SPEG: variants seen among roughly 807,000 people sequenced by gnomAD.
SPEG encodes striated muscle preferentially expressed protein kinase.
A neutral mutation model predicts 300.4 loss-of-function variants in SPEG; 114 were observed. The observed-to-expected ratio is 0.38, with a 90% CI of 0.33 to 0.44. The LOEUF (loss-of-function observed/expected upper bound fraction) is 0.44, where lower values mean the gene tolerates loss of function less well. Among genes scored for constraint, SPEG ranks in the 20% least tolerant of loss-of-function variants. The pLI, the probability that SPEG is intolerant of heterozygous loss-of-function variation, is 1.00. For missense variants in SPEG, 4,201 were observed against 4,586.2 expected (o/e 0.92, Z 2.43); for synonymous variants, 1,964 against 2,018.9 (o/e 0.97, Z 0.73).
rs959806515 is a variant in SPEG, at chr2:219,488,769, T to C, written c.8027-9T>C. 3.4e-5 allele frequency: 54 copies of C among 1,609,020 alleles called. No homozygotes were observed. Among genetic ancestry groups the C allele is most frequent in the Admixed American group, 5.1e-5 (3 of 59,194 alleles). Reference sequence around the variant, plus strand: ...AGGGGCTCACTGGGACTCTTCTTTCTCTTGCCAGGAGTCCCAGGAAAGCTA... The same window carrying C: ...AGGGGCTCACTGGGACTCTTCTTTCCCTTGCCAGGAGTCCCAGGAAAGCTA... On this transcript the variant is annotated splice_polypyrimidine_tract_variant and intron_variant, in intron 33 of 40. Transcript: ENST00000312358.
In SPEG at chr2:219,444,809, G is replaced by C. The variant is rs1307768584; in HGVS notation, c.479-16G>C. On this transcript the variant is annotated splice_polypyrimidine_tract_variant and intron_variant, in intron 2 of 40. Coordinates refer to ENST00000312358, the MANE Select transcript of SPEG (RefSeq NM_005876.5). The surrounding 1 kb of genome is among the most constrained non-coding windows in gnomAD (Gnocchi z 7.8). The stretch of plus-strand genomic sequence containing the variant: ...CCATAAGGGGTGCCTCAGTCTCACG[G>C]TGCTCCTTTCTCTAGGGGGTTCTGA... 3.1e-6 allele frequency: 5 copies of C among 1,605,862 alleles called. No homozygotes were observed. The highest frequency in any genetic ancestry group is 4.3e-6 in the Non-Finnish European group (5 of 1,175,258).
rs2125206833 is a variant in SPEG at position 219,439,792 on chromosome 2, T to C, written c.388+4427T>C. Among the ~76,000 whole-genome samples, 1 of 152,174 alleles carries C rather than the reference T, an allele frequency of 6.6e-6. No individual in the cohort carries two copies. Among genetic ancestry groups the C allele is most frequent in the Middle Eastern group, 3.4e-3 (1 of 294 alleles). ...TCCCGTCACTCACGCCCGCTGCCCA[T>C]TGGTTATTTTTGCTACGGAATGTGC... On this transcript the variant is annotated intron_variant, in intron 1 of 40. Transcript: ENST00000312358. This position sits in a 1 kb window ranked among gnomAD's most constrained non-coding sequence, Gnocchi z 4.5.
intron 9 of SPEG, chr2:219,465,959 G>A (rs1359411818): frequency 2.7e-5 from 28 of 1,018,940 alleles, no homozygotes; most frequent in Middle Eastern, 2.1e-4. Flanking sequence ...GCATGTGTGC[G>A]TGTGCATGCG....
In SPEG at chr2:219,449,395, A is replaced by C. The variant is rs1048801610; in HGVS notation, c.2113+124A>C. 6.7e-6 allele frequency: 5 copies of C among 744,602 alleles called. No individual in the cohort carries two copies. The East Asian group carries it at 1.7e-4, about 25-fold the overall frequency. 46.1% of individuals were successfully genotyped at this position (744,602 alleles called of 1,614,324 possible). A position where few individuals can be genotyped will look rare whatever the true frequency, so the allele number is the denominator to read the frequency against. On this transcript the variant is annotated intron_variant, in intron 4 of 40. Transcript: ENST00000312358. ...TCGCCTGGGGCTGCTAGCCAGCTGC[A>C]AGGGTGGGTTTGCCAAAGAAGGCAC...
chr2:219,448,528 T>C lies in SPEG; in HGVS notation c.1370T>C (p.Leu457Pro). ...ACCCCCGGGGCCTCGCAGGAAGAAC[T>C]GCGGGCGCCAGGCAGCGTGGCCGAG... is the stretch of plus-strand genomic sequence containing the variant. The part of the protein sequence containing the change: ...WGTPGASQEE[L>P]RAPGSVAERR... The change falls in exon 4 of 41, where the codon CTG becomes CCG. Residue 457 changes from leucine to proline, a missense_variant. Leu to Pro is a moderately conservative substitution (Grantham distance 98, BLOSUM62 -3). Around this residue, in one of 4 missense-constraint regions of SPEG, gnomAD observed 1,258 missense variants for 1,293.9 expected, o/e 0.97. Coordinates refer to ENST00000312358, the MANE Select transcript of SPEG (RefSeq NM_005876.5). 1 of 1,444,246 alleles carries C rather than the reference T, an allele frequency of 6.9e-7. No individual in the cohort carries two copies. The highest frequency in any genetic ancestry group is 9.0e-7 in the Non-Finnish European group (1 of 1,108,556). The allele number at this position is 1,444,246 out of a possible 1,614,324, so 89.5% of individuals were successfully genotyped here.
intron 4 of SPEG, among the ~76,000 whole-genome samples, chr2:219,449,963 C>T (rs1324802101): frequency 6.6e-6 from 1 of 152,130 alleles, no homozygotes. Flanking sequence ...TCATCCTGCA[C>T]ATCAACTCGA....
At position 219,488,606 on chromosome 2, in the gene SPEG, A is replaced by G. The variant is rs763775917; in HGVS notation, c.7967A>G (p.Glu2656Gly). The G allele has an allele frequency of 6.2e-7, 1 of 1,612,082 alleles. No individual in the cohort carries two copies. The highest frequency in any genetic ancestry group is 8.5e-7 in the Non-Finnish European group (1 of 1,179,256). ...RAGKRHAGLY[E>G]CSATNVLGSI... is the part of the protein sequence containing the mutation. ...GGCAAGCGGCACGCCGGTCTCTATG[A>G]GTGCTCGGCCACCAACGTACTGGGC... The change falls in exon 33 of 41, where the codon GAG becomes GGG. Residue 2656 changes from glutamate (E) to glycine (G), a missense_variant. By Grantham distance (98) the Glu-to-Gly change is moderately conservative. Around this residue, in one of 4 missense-constraint regions of SPEG, gnomAD observed 1,578 missense variants for 1,506.0 expected, o/e 1.05. Transcript: ENST00000312358.
rs144619002 is a variant in SPEG at position 219,439,049 on chromosome 2, G to C, written c.388+3684G>C. 1.2e-4 allele frequency among the ~76,000 whole-genome samples: 18 copies of C among 152,336 alleles called. No individual in the cohort carries two copies. The East Asian group carries it at 3.3e-3, about 28-fold the overall frequency. ...GCCAAGTGCTGACCAGTGAGCGGAG[G>C]AGAGGCCAGAGTGGGAGCAGAGAGG... On this transcript the variant is annotated intron_variant, in intron 1 of 40. Transcript: ENST00000312358. The surrounding 1 kb of genome is among the most constrained non-coding windows in gnomAD (Gnocchi z 4.5).
Position 219,464,731 on chromosome 2 carries a change from G to T in SPEG, c.2881+123G>T. 1 of 861,854 alleles carries T rather than the reference G, an allele frequency of 1.2e-6. No individual in the cohort carries two copies. 53.4% of individuals were successfully genotyped at this position (861,854 alleles called of 1,614,324 possible). On this transcript the variant is annotated intron_variant, in intron 9 of 40. Coordinates refer to ENST00000312358, the MANE Select transcript of SPEG (RefSeq NM_005876.5). This position sits in a 1 kb window ranked among gnomAD's most constrained non-coding sequence, Gnocchi z 4.5. ...CTGAAAGGGCCTTAAGGGGCCCCTA[G>T]TCCAGCTGCTTATATTATTGTTGAG...
chr2:219,468,710 C>T lies in SPEG; in HGVS notation c.3275C>T (p.Pro1092Leu). The T allele has an allele frequency of 6.2e-7, 1 of 1,614,148 alleles. No individual in the cohort carries two copies. The highest frequency in any genetic ancestry group is 8.5e-7 in the Non-Finnish European group (1 of 1,180,000). The change falls in exon 11 of 41, where the codon CCC (proline) becomes CTC (leucine). Residue 1092 changes from proline to leucine, a missense_variant. Coordinates refer to ENST00000312358, the MANE Select transcript of SPEG (RefSeq NM_005876.5). ...RFDCKISGTP[P>L]PVVTWTHFGC... Reference sequence around the variant, plus strand: ...GACTGCAAGATCAGTGGCACCCCGCCCCCTGTTGTTACCTGGACTCATTTT... The same window carrying T: ...GACTGCAAGATCAGTGGCACCCCGCTCCCTGTTGTTACCTGGACTCATTTT...
chr2:219,457,586 CA>C (rs1690291883), intron 6 of SPEG, among the ~76,000 whole-genome samples: 2 of 152,296 alleles, frequency 1.3e-5, no homozygotes, highest in South Asian at 4.1e-4. Flanking sequence ...TGTCTCAAAA[CA>C]AAAGCAAAAA....
chr2:219,489,288 A>G (rs745580957), intron 35 of SPEG, 48 bp from the exon 36 acceptor site: 2 of 1,613,370 alleles, frequency 1.2e-6, no homozygotes, highest in Non-Finnish European at 1.7e-6. Flanking sequence ...GTGGAGCACC[A>G]TGGCCTTGCC....
Position 219,480,055 on chromosome 2 carries a change from C to T in SPEG, c.5257C>T (p.Pro1753Ser). The change falls in exon 25 of 41, where the codon CCC (proline) becomes TCC (serine). Residue 1753 changes from proline to serine, a missense_variant. Around this residue, in one of 4 missense-constraint regions of SPEG, gnomAD observed 1,047 missense variants for 1,356.8 expected, o/e 0.77. Coordinates refer to ENST00000312358, the MANE Select transcript of SPEG (RefSeq NM_005876.5). This position sits in a 1 kb window ranked among gnomAD's most constrained non-coding sequence, Gnocchi z 5.3. ...TGCCCAGGAGCTGACTCCAGGAGAG[C>T]CCCAGTACTGCCAGTATGGCACACC... ...GNAQELTPGE[P>S]QYCQYGTPEF... 6.2e-7 allele frequency: 1 copy of T among 1,614,034 alleles called. No homozygotes were observed. Among genetic ancestry groups the T allele is most frequent in the Non-Finnish European group, 8.5e-7 (1 of 1,179,998 alleles).
chr2:219,473,691 C>T lies in SPEG; in HGVS notation c.4272-37C>T, dbSNP rs369633473. On this transcript the variant is annotated intron_variant, in intron 17 of 40. Transcript: ENST00000312358. The surrounding 1 kb of genome is among the most constrained non-coding windows in gnomAD (Gnocchi z 4.6). ...CCAGCCTGGCCGGAATGCCCTGGGG[C>T]AAGATCTGGGTGACCTCCCTGTCAT... The T allele has an allele frequency of 2.3e-4, 376 of 1,613,058 alleles. No homozygotes were observed. The African/African-American group carries it at 4.3e-3, about 18-fold the overall frequency.
Position 219,473,103 on chromosome 2 carries a change from C to T in SPEG, c.4147+7C>T. On this transcript the variant is annotated splice_region_variant and intron_variant, in intron 16 of 40. Transcript: ENST00000312358. The surrounding 1 kb of genome is among the most constrained non-coding windows in gnomAD (Gnocchi z 4.6). The stretch of plus-strand genomic sequence containing the variant: ...GTGCAGCTGCTGGAGCACGGTGAGC[C>T]TGGGTGCTCCTGTCGGGTGGGGGTG... 1 of 1,612,482 alleles carries T rather than the reference C, an allele frequency of 6.2e-7. No homozygotes were observed. The highest frequency in any genetic ancestry group is 8.5e-7 in the Non-Finnish European group (1 of 1,179,492).
At position 219,448,254 on chromosome 2, in the gene SPEG, G is replaced by A; in HGVS notation, c.1096G>A (p.Ala366Thr). The change falls in exon 4 of 41, where the codon GCG becomes ACG. Residue 366 changes from alanine to threonine, a missense_variant. Physicochemically the swap from Ala to Thr is moderately conservative, Grantham distance 58. Coordinates refer to ENST00000312358, the MANE Select transcript of SPEG (RefSeq NM_005876.5). ...GTCCAAGTCGTCCGGGCCCTCCCTGGCGGGCACCGCGGAATCCCGACCCCA... is the reference window on the plus strand; with the variant it reads ...GTCCAAGTCGTCCGGGCCCTCCCTGACGGGCACCGCGGAATCCCGACCCCA... ...KKSKSSGPSL[A>T]GTAESRPQTP... 6.2e-7 allele frequency: 1 copy of A among 1,612,238 alleles called. No homozygotes were observed. The highest frequency in any genetic ancestry group is 1.3e-5 in the African/African-American group (1 of 75,018).
intron 1 of SPEG, chr2:219,442,095 G>T: frequency 8.4e-7 from 1 of 1,189,914 alleles, no homozygotes; most frequent in South Asian, 4.2e-5. Flanking sequence ...TGAGGGCTCC[G>T]GGGGCGGGCG....
intron 1 of SPEG, among the ~76,000 whole-genome samples, chr2:219,436,243 G>A (rs113644427): frequency 0.021 from 3,155 of 152,384 alleles, 48 homozygotes; most frequent in Non-Finnish European, 0.031. Flanking sequence ...GAGGGCAAGA[G>A]GCTGGGCCCA....
At position 219,488,605 on chromosome 2, in the gene SPEG, G is replaced by C. The variant is rs1415010093; in HGVS notation, c.7966G>C (p.Glu2656Gln). ...RAGKRHAGLYECSATNVLGSI... is the reference protein window; with the variant it reads ...RAGKRHAGLYQCSATNVLGSI... ...GGGCAAGCGGCACGCCGGTCTCTAT[G>C]AGTGCTCGGCCACCAACGTACTGGG... Residue 2656 changes from glutamate (E) to glutamine (Q), a missense_variant, in exon 33 of 41, where the codon GAG (glutamate) becomes CAG (glutamine). Around this residue, in one of 4 missense-constraint regions of SPEG, gnomAD observed 1,578 missense variants for 1,506.0 expected, o/e 1.05. Coordinates refer to ENST00000312358, the MANE Select transcript of SPEG (RefSeq NM_005876.5). The C allele has an allele frequency of 3.7e-6, 6 of 1,612,142 alleles. No homozygotes were observed. The South Asian group carries it at 5.5e-5, about 15-fold the overall frequency.
Sources: gnomAD v4.1 joint callset for allele counts (sites outside exome capture counted in the v4.1 genomes callset) on GRCh38, gnomAD v4.1.1 for gene constraint, gnomAD v4.1.1 regional missense constraint, Gnocchi (gnomAD v3.1) non-coding constraint, MANE v1.5 for transcripts, NCBI Gene and HGNC (gene_info 2026-07-23, HGNC 2026-07-21) for gene names.